The following RBM33 variants were observed in gnomAD, a reference collection of about 807,000 sequenced individuals.
RBM33 encodes the protein RNA-binding protein 33.
A neutral mutation model predicts 132.6 loss-of-function variants in RBM33; 28 were observed. The ratio of observed to expected loss-of-function variants is 0.21; its 90% CI spans 0.16 to 0.29. The LOEUF is 0.29. Ranked by LOEUF, RBM33 falls within the 10% of genes least tolerant of loss-of-function variation. The pLI, the probability that RBM33 is intolerant of heterozygous loss-of-function variation, is 1.00. For missense variants in RBM33, 1,291 were observed against 1,518.5 expected, an observed-to-expected ratio of 0.85 and a Z score of 2.49; for synonymous variants, 634 against 593.0, an observed-to-expected ratio of 1.07 and a Z score of -1.01.
At position 155,711,458 on chromosome 7, in the gene RBM33, CTG is replaced by C. The variant is rs1262618022; in HGVS notation, c.1201+7_1201+8del. Reference sequence around the variant, plus strand: ...GACGGTGGTCACGCCTGTTCAAGGTCTGTGTTTCCTTTTACTATTGTAAAGCA... The same window carrying C: ...GACGGTGGTCACGCCTGTTCAAGGTCTGTTTCCTTTTACTATTGTAAAGCA... On this transcript the variant is annotated splice_donor_5th_base_variant and intron_variant, in intron 8 of 17. Transcript: ENST00000401878. 1.4e-6 allele frequency: 2 copies of C among 1,417,898 alleles called. No individual in the cohort carries two copies. The highest frequency in any genetic ancestry group is 1.5e-5 in the African/African-American group (1 of 67,064). The allele number at this position is 1,417,898 out of a possible 1,614,324, so 87.8% of individuals were successfully genotyped here.
At chr7:155,747,043 C>T (rs1232694107) in intron 14 of RBM33, among the ~76,000 whole-genome samples, 3 of 152,078 alleles carry the variant, frequency 2.0e-5, no homozygotes, top group Admixed American at 6.5e-5. Context: ...GTTTGTAGAA[C>T]AAAACTTTGA....
At chr7:155,694,714 C>G (rs1330584732) in intron 5 of RBM33, among the ~76,000 whole-genome samples, 1 of 152,112 alleles carries the variant, frequency 6.6e-6, no homozygotes, top group Non-Finnish European at 1.5e-5. Flanking sequence ...TTCTGTTGCT[C>G]GGCACGTTTT....
intron 16 of RBM33, among the ~76,000 whole-genome samples, chr7:155,772,172 C>G (rs1330188997): frequency 6.6e-6 from 1 of 152,106 alleles, no homozygotes; most frequent in African/African-American, 2.4e-5. Flanking sequence ...GTTGTTTAAA[C>G]CCCCCAGGAT....
chr7:155,716,316 G>GTTTTTTTTTTTTTTTTGT lies in RBM33; in HGVS notation c.1202-2053_1202-2052insGTTTTTTTTTTTTTTTTT, dbSNP rs59289310. ...TGTCAGCTGTTTTTCCTTTTCTGCT[G>GTTTTTTTTTTTTTTTTGT]TTTTTTTTTTTTTTTTAAATAGGGA... On this transcript the variant is annotated intron_variant, in intron 8 of 17. Coordinates refer to ENST00000401878, the MANE Select transcript of RBM33 (RefSeq NM_053043.3). Among the ~76,000 whole-genome samples the GTTTTTTTTTTTTTTTTGT allele has an allele frequency of 3.9e-5, 4 of 102,382 alleles. 1 individual carries two copies. Among genetic ancestry groups the GTTTTTTTTTTTTTTTTGT allele is most frequent in the Non-Finnish European group, 7.7e-5 (4 of 52,120 alleles). The allele number at this position is 102,382 out of a possible 152,430, so 67.2% of individuals were successfully genotyped here.
At chr7:155,644,997 T>G in intron 1 of RBM33, 78 bp downstream of exon 1, 1 of 1,142,132 alleles carries the variant, frequency 8.8e-7, no homozygotes, top group South Asian at 1.6e-5. Context: ...GCCTCCCCGC[T>G]TAGGAGAGGA....
chr7:155,700,711 TATTTA>T (rs1229904826), intron 5 of RBM33, 57 bp from the exon 6 acceptor site: 11 of 1,164,670 alleles, frequency 9.4e-6, no homozygotes, highest in Non-Finnish European at 1.3e-5. Flanking sequence ...CATTCTTTAA[TATTTA>T]ATTCAAAAGA....
rs758133215 is a variant in RBM33, at chr7:155,774,310, G to A, written c.3376-249G>A. Among the ~76,000 whole-genome samples the A allele has an allele frequency of 6.6e-6, 1 of 152,180 alleles. No homozygotes were observed. Among genetic ancestry groups the A allele is most frequent in the Admixed American group, 6.5e-5 (1 of 15,282 alleles). On this transcript the variant is annotated intron_variant, in intron 16 of 17. Coordinates refer to ENST00000401878, the MANE Select transcript of RBM33 (RefSeq NM_053043.3). This position sits in a 1 kb window ranked among gnomAD's most constrained non-coding sequence, Gnocchi z 4.2. ...AGCTGATGGGGCCAGATGATGGGAGGCCTTAACACTAGGCTTGGAAGATGT... is the reference window on the plus strand; with the variant it reads ...AGCTGATGGGGCCAGATGATGGGAGACCTTAACACTAGGCTTGGAAGATGT...
chr7:155,754,499 C>G (rs1801784654), intron 14 of RBM33, among the ~76,000 whole-genome samples: 1 of 152,192 alleles, frequency 6.6e-6, no homozygotes, highest in African/African-American at 2.4e-5. Context: ...CACACCCTGC[C>G]TCATAAGCCA....
chr7:155,766,488 AGAG>A lies in RBM33; in HGVS notation c.3212_3214del (p.Gly1071del), dbSNP rs1219954297. ...CCAGGCCATCATGCACGGACGAGGC[AGAG>A]GAGTGGCCGGTCCCATGGGCCGGGG... On this transcript the variant is annotated inframe_deletion, in exon 16 of 18. Coordinates refer to ENST00000401878, the MANE Select transcript of RBM33 (RefSeq NM_053043.3). 4 of 1,613,420 alleles carry A rather than the reference AGAG, an allele frequency of 2.5e-6. No individual in the cohort carries two copies. In the African/African-American group the frequency reaches 5.3e-5, roughly 22 times the overall value.
At chr7:155,760,988 A>G (rs1802017370) in intron 14 of RBM33, among the ~76,000 whole-genome samples, 1 of 152,226 alleles carries the variant, frequency 6.6e-6, no homozygotes, top group Non-Finnish European at 1.5e-5. Flanking sequence ...TCAGGCGATG[A>G]TAATTCAAAT....
At position 155,711,284 on chromosome 7, in the gene RBM33, CTGCTTCCGG is replaced by C. The variant is rs781722555; in HGVS notation, c.1034_1042del (p.Leu345_Val347del). On this transcript the variant is annotated inframe_deletion, in exon 8 of 18. Coordinates refer to ENST00000401878, the MANE Select transcript of RBM33 (RefSeq NM_053043.3). The stretch of plus-strand genomic sequence containing the variant: ...GTTCCAGCCGCAGCCGCTGCAGCCG[CTGCTTCCGG>C]TGCAGCACCCGCACCACCCATCCCC... 1 of 1,606,226 alleles carries C rather than the reference CTGCTTCCGG, an allele frequency of 6.2e-7. No individual in the cohort carries two copies. Among genetic ancestry groups the C allele is most frequent in the Non-Finnish European group, 8.5e-7 (1 of 1,176,674 alleles).
chr7:155,723,729 CA>C (rs1232959009), intron 9 of RBM33, among the ~76,000 whole-genome samples: 1 of 152,152 alleles, frequency 6.6e-6, no homozygotes, highest in African/African-American at 2.4e-5. Flanking sequence ...AGTCAAAGGC[CA>C]GGGGTACTCC....
In RBM33 at chr7:155,672,395, C is replaced by T. The variant is rs114059161; in HGVS notation, c.123-472C>T. Among the ~76,000 whole-genome samples the T allele has an allele frequency of 3.5e-3, 531 of 152,270 alleles. 4 individuals carry two copies. The highest frequency in any genetic ancestry group is 0.012 in the African/African-American group (501 of 41,554). On this transcript the variant is annotated intron_variant, in intron 2 of 17. Transcript: ENST00000401878. ...CATACTTAAAAAGATAAAATGTTCT[C>T]TGTGCATTTGAAAATACATTTTTAT... is the stretch of plus-strand genomic sequence containing the variant.
chr7:155,687,669 G>A (rs995295698), intron 5 of RBM33, among the ~76,000 whole-genome samples: 3 of 152,168 alleles, frequency 2.0e-5, no homozygotes, highest in Admixed American at 6.5e-5. Flanking sequence ...TGTAAGGAAG[G>A]GATCCAGTTT....
chr7:155,707,667 T>G (rs928019612), intron 7 of RBM33, among the ~76,000 whole-genome samples: 3 of 152,146 alleles, frequency 2.0e-5, no homozygotes, highest in African/African-American at 7.2e-5. Flanking sequence ...GTTCTTTTTT[T>G]GTTTTTGATA....
intron 9 of RBM33, 21 bp from the exon 10 acceptor site, chr7:155,737,509 G>C: frequency 6.7e-7 from 1 of 1,482,056 alleles, no homozygotes. Flanking sequence ...CTGTTTCTCT[G>C]TTGTTGTTGT....
At chr7:155,737,686 G>A (rs1801175111) in intron 10 of RBM33, 24 bp downstream of exon 10, 13 of 1,542,750 alleles carry the variant, frequency 8.4e-6, no homozygotes, top group Non-Finnish European at 1.1e-5. Flanking sequence ...GAGTGGTGTG[G>A]AGTAACAACA....
chr7:155,693,630 G>A (rs1799709203), intron 5 of RBM33, among the ~76,000 whole-genome samples: 1 of 137,816 alleles, frequency 7.3e-6, no homozygotes, highest in African/African-American at 2.4e-5. Context: ...TGTGATGATG[G>A]CAGGTTCTTT....
At chr7:155,673,427 T>G (rs1347147674) in intron 3 of RBM33, among the ~76,000 whole-genome samples, 2 of 150,918 alleles carry the variant, frequency 1.3e-5, no homozygotes, top group African/African-American at 2.4e-5. Flanking sequence ...TGTGTGTGTG[T>G]GTGTGTGTGT....
Sources: gnomAD v4.1 joint callset for allele counts (sites outside exome capture counted in the v4.1 genomes callset) on GRCh38, gnomAD v4.1.1 for gene constraint, Gnocchi (gnomAD v3.1) non-coding constraint, MANE v1.5 for transcripts, NCBI Gene and HGNC (gene_info 2026-07-23, HGNC 2026-07-21) for gene names.